The following DLD variants were observed in gnomAD, a reference collection of about 807,000 sequenced individuals.
DLD encodes the protein dihydrolipoyl dehydrogenase, mitochondrial.
A neutral mutation model predicts 62.2 loss-of-function variants in DLD; 36 were observed. The observed-to-expected ratio is 0.58, with a 90% confidence interval of 0.44 to 0.76. The LOEUF (loss-of-function observed/expected upper bound fraction) is 0.76, where lower values mean the gene tolerates loss of function less well. DLD is among the 30% of genes least tolerant of loss of function. The pLI, the probability that DLD is intolerant of heterozygous loss-of-function variation, is 0.00. For missense variants in DLD, 541 were observed against 608.6 expected, an observed-to-expected ratio of 0.89 and a Z score of 1.17; for synonymous variants, 204 against 199.6, an observed-to-expected ratio of 1.02 and a Z score of -0.19.
At chr7:107,909,105 A>G (rs73193751) in intron 8 of DLD, among the ~76,000 whole-genome samples, 2,619 of 152,320 alleles carry the variant, frequency 0.017, 36 homozygotes, top group Middle Eastern at 0.034. Flanking sequence ...AGTTGTTTTT[A>G]TAAAGCAGAC....
chr7:107,893,511 T>C (rs1584455846), intron 2 of DLD: 1 of 386,304 alleles, frequency 2.6e-6, no homozygotes, highest in East Asian at 4.5e-5. Context: ...ACAAACAATA[T>C]ATAAGTAATG....
At chr7:107,891,585 C>T in intron 1 of DLD, 1 of 569,312 alleles carries the variant, frequency 1.8e-6, no homozygotes, top group Non-Finnish European at 3.1e-6. Context: ...CCATCCCGGT[C>T]ACACATAGGC....
chr7:107,917,479 G>A lies in DLD; in HGVS notation c.1236+17G>A, dbSNP rs1257547751. ...AAAGAAGAGGTAAGTCTGAACATGG[G>A]TGGTTTTAAGCCAATGTGTGAGTTG... On this transcript the variant is annotated intron_variant, in intron 11 of 13. Transcript: ENST00000205402. The A allele has an allele frequency of 1.2e-6, 2 of 1,613,792 alleles. No homozygotes were observed.
intron 2 of DLD, among the ~76,000 whole-genome samples, chr7:107,895,875 T>C (rs2031709363): frequency 6.6e-6 from 1 of 152,128 alleles, no homozygotes; most frequent in South Asian, 2.1e-4. Context: ...CATTTATATA[T>C]ACACACACAC....
At position 107,902,405 on chromosome 7, in the gene DLD, T is replaced by C. The variant is rs377312138; in HGVS notation, c.267+12T>C. The C allele has an allele frequency of 3.1e-6, 5 of 1,612,786 alleles. No individual in the cohort carries two copies. Among genetic ancestry groups the C allele is most frequent in the Non-Finnish European group, 4.2e-6 (5 of 1,178,958 alleles). Reference sequence around the variant, plus strand: ...GTATTCCTTCTAAGGTGAGCATGTGTTTTGTACAGCACAGAGATTGTTTTT... The same window carrying C: ...GTATTCCTTCTAAGGTGAGCATGTGCTTTGTACAGCACAGAGATTGTTTTT... On this transcript the variant is annotated intron_variant, in intron 4 of 13. Transcript: ENST00000205402.
chr7:107,896,375 ACT>A (rs201463355), intron 2 of DLD, among the ~76,000 whole-genome samples: 3,081 of 152,016 alleles, frequency 0.02, 50 homozygotes, highest in Middle Eastern at 0.061. Context: ...TAACATGCGT[ACT>A]CTCTGATCCT....
chr7:107,902,432 G>A lies in DLD; in HGVS notation c.267+39G>A, dbSNP rs368255603. The A allele has an allele frequency of 3.8e-6, 6 of 1,568,870 alleles. No homozygotes were observed. In the African/African-American group the frequency reaches 6.8e-5, roughly 18 times the overall value. ...TTGTACAGCACAGAGATTGTTTTTG[G>A]CTAGCAACCAACTAGAAGGATGGAT... On this transcript the variant is annotated intron_variant, in intron 4 of 13. Transcript: ENST00000205402.
chr7:107,913,177 A>G (rs749165306), intron 8 of DLD, among the ~76,000 whole-genome samples: 20 of 152,122 alleles, frequency 1.3e-4, no homozygotes, highest in Non-Finnish European at 2.6e-4. Flanking sequence ...TGCCAGTACT[A>G]TGCTATTTTG....
intron 8 of DLD, among the ~76,000 whole-genome samples, chr7:107,911,207 G>T (rs1351097727): frequency 6.6e-6 from 1 of 152,120 alleles, no homozygotes; most frequent in African/African-American, 2.4e-5. Flanking sequence ...CTATGAATTT[G>T]CATATTGTGG....
intron 8 of DLD, among the ~76,000 whole-genome samples, chr7:107,913,504 G>T (rs529678193): frequency 6.6e-6 from 1 of 151,202 alleles, no homozygotes; most frequent in South Asian, 2.1e-4. Flanking sequence ...TTGCAAATGG[G>T]ATTGCTTTTT....
intron 8 of DLD, among the ~76,000 whole-genome samples, chr7:107,907,174 T>C (rs1475600006): frequency 6.6e-6 from 1 of 152,220 alleles, no homozygotes. Context: ...CTCACTGTTC[T>C]GTCATATCTG....
Position 107,919,325 on chromosome 7 carries a change from A to C in DLD, c.*66A>C. On this transcript the variant is annotated 3_prime_UTR_variant, in exon 14 of 14. Transcript: ENST00000205402. ...AGCTTTTGTAGAAGTCACATTCCTG[A>C]ACAGGATATTCTCACAGCTCCAAGA... is the stretch of plus-strand genomic sequence containing the variant. 1.6e-6 allele frequency: 2 copies of C among 1,269,824 alleles called. No homozygotes were observed. The highest frequency in any genetic ancestry group is 2.3e-6 in the Non-Finnish European group (2 of 885,982). 78.7% of individuals were successfully genotyped at this position (1,269,824 alleles called of 1,614,324 possible).
At position 107,916,924 on chromosome 7, in the gene DLD, A is replaced by G. The variant is rs776547214; in HGVS notation, c.1006A>G (p.Arg336Gly). ...GGGAATTGAACTAGATCCCAGAGGT[A>G]GAATTCCAGTCAATACCAGATTTCA... ...ELGIELDPRG[R>G]IPVNTRFQTK... is the part of the protein sequence containing the mutation. The change falls in exon 10 of 14, where the codon AGA becomes GGA. Residue 336 changes from arginine (R) to glycine (G), a missense_variant. Transcript: ENST00000205402. 1.2e-6 allele frequency: 2 copies of G among 1,613,978 alleles called. No homozygotes were observed. The highest frequency in any genetic ancestry group is 1.1e-5 in the South Asian group (1 of 91,074).
Position 107,905,424 on chromosome 7 carries a change from G to A in DLD, c.502G>A (p.Asp168Asn). The change falls in exon 7 of 14, where the codon GAT becomes AAT. Residue 168 changes from aspartate to asparagine, a missense_variant. Physicochemically the swap from Asp to Asn is conservative, Grantham distance 23. Coordinates refer to ENST00000205402, the MANE Select transcript of DLD (RefSeq NM_000108.5). ...AAATCAAGTCACTGCTACGAAAGCT[G>A]ATGGCGGCACTCAGGTTATTGATAC... The part of the protein sequence containing the change: ...GKNQVTATKA[D>N]GGTQVIDTKN... 1 of 1,613,810 alleles carries A rather than the reference G, an allele frequency of 6.2e-7. No individual in the cohort carries two copies. Among genetic ancestry groups the A allele is most frequent in the African/African-American group, 1.3e-5 (1 of 75,030 alleles).
At chr7:107,912,980 G>C (rs2032180653) in intron 8 of DLD, among the ~76,000 whole-genome samples, 2 of 152,068 alleles carry the variant, frequency 1.3e-5, no homozygotes. Flanking sequence ...TTTGTATATG[G>C]TAAGAGATAG....
intron 5 of DLD, among the ~76,000 whole-genome samples, chr7:107,903,979 G>T (rs1465614001): frequency 6.6e-6 from 1 of 152,194 alleles, no homozygotes; most frequent in African/African-American, 2.4e-5. Flanking sequence ...AGGCATAGCG[G>T]AAAAGGAAGA....
Position 107,900,047 on chromosome 7 carries a change from A to T in DLD, c.119-1691A>T, listed in dbSNP as rs973704918. ...AATCAGTGAACCAAGCAGGGTGGCT[A>T]AAAAGCACAGATGGATCAGTAAAAA... On this transcript the variant is annotated intron_variant, in intron 2 of 13. Transcript: ENST00000205402. Among the ~76,000 whole-genome samples, 15 of 152,208 alleles carry T rather than the reference A, an allele frequency of 9.9e-5. No individual in the cohort carries two copies. The South Asian group carries it at 2.3e-3, about 23-fold the overall frequency.
In DLD at chr7:107,921,090, C is replaced by G. The variant is rs1378508786; in HGVS notation, c.*1831C>G. The G allele has an allele frequency of 6.6e-6, 1 of 152,262 alleles. No homozygotes were observed. Among genetic ancestry groups the G allele is most frequent in the Non-Finnish European group, 1.5e-5 (1 of 68,018 alleles). 9.4% of individuals were successfully genotyped at this position (152,262 alleles called of 1,614,324 possible). A position where few individuals can be genotyped will look rare whatever the true frequency, so the allele number is the denominator to read the frequency against. ...GTGAAATATAATTTAATATGGAATT[C>G]TAGCTGTAGAGTTAAATCCATCTTT... On this transcript the variant is annotated 3_prime_UTR_variant, in exon 14 of 14. Coordinates refer to ENST00000205402, the MANE Select transcript of DLD (RefSeq NM_000108.5).
At chr7:107,907,852 T>G (rs1240239044) in intron 8 of DLD, among the ~76,000 whole-genome samples, 1 of 152,254 alleles carries the variant, frequency 6.6e-6, no homozygotes, top group Non-Finnish European at 1.5e-5. Context: ...AAAACCCAGC[T>G]TCTCAAAAGA....
Sources: gnomAD v4.1 joint callset for allele counts (sites outside exome capture counted in the v4.1 genomes callset) on GRCh38, gnomAD v4.1.1 for gene constraint, MANE v1.5 for transcripts, NCBI Gene and HGNC (gene_info 2026-07-23, HGNC 2026-07-21) for gene names.